The following SPHKAP variants were observed in gnomAD, a reference collection of about 807,000 sequenced individuals.
The protein encoded by SPHKAP is A-kinase anchor protein SPHKAP.
A neutral mutation model predicts 137.5 loss-of-function variants in SPHKAP; 67 were observed. The observed-to-expected ratio is 0.49, with a 90% CI of 0.40 to 0.60. The LOEUF (loss-of-function observed/expected upper bound fraction) is 0.60. SPHKAP is among the 20% of genes least tolerant of loss of function. The pLI, the probability that SPHKAP is intolerant of heterozygous loss-of-function variation, is 0.00. For missense variants in SPHKAP, 2,097 were observed against 2,069.3 expected (o/e 1.01, Z -0.26); for synonymous variants, 813 against 785.3 (o/e 1.04, Z -0.59).
Position 228,154,191 on chromosome 2 carries a change from C to T in SPHKAP, c.33-22106G>A, listed in dbSNP as rs1333559968. ...AATTAATAAAACGACAGACAAAATGCAAATCTTCATGTAAGTCCTAAACTG... is the reference window on the plus strand; with the variant it reads ...AATTAATAAAACGACAGACAAAATGTAAATCTTCATGTAAGTCCTAAACTG... On this transcript the variant is annotated intron_variant, in intron 1 of 11. Transcript: ENST00000392056. 3.3e-5 allele frequency among the ~76,000 whole-genome samples: 5 copies of T among 151,570 alleles called. No individual in the cohort carries two copies. The South Asian group carries it at 1.0e-3, about 32-fold the overall frequency.
chr2:228,136,933 T>C (rs1361140933), intron 1 of SPHKAP, among the ~76,000 whole-genome samples: 1 of 152,152 alleles, frequency 6.6e-6, no homozygotes, highest in African/African-American at 2.4e-5. Flanking sequence ...ATTCCTACTC[T>C]GTCCTTTGGG....
intron 3 of SPHKAP, among the ~76,000 whole-genome samples, chr2:228,033,893 A>G (rs1251255242): frequency 2.0e-5 from 3 of 152,254 alleles, no homozygotes; most frequent in Admixed American, 2.0e-4. Context: ...TGTAGAGGGA[A>G]ATTTATACCA....
At chr2:228,178,140 G>T (rs1014112592) in intron 1 of SPHKAP, among the ~76,000 whole-genome samples, 2 of 152,138 alleles carry the variant, frequency 1.3e-5, no homozygotes, top group Non-Finnish European at 2.9e-5. Context: ...TGTCCAAATT[G>T]TGTACCAGAA....
chr2:228,143,003 A>G (rs1699652720), intron 1 of SPHKAP, among the ~76,000 whole-genome samples: 1 of 152,118 alleles, frequency 6.6e-6, no homozygotes, highest in Admixed American at 6.5e-5. Flanking sequence ...TCTATTTTAG[A>G]TGATAGACAC....
chr2:228,181,466 C>G lies in SPHKAP; in HGVS notation c.32+101G>C, dbSNP rs1345318197. 2.6e-6 allele frequency: 4 copies of G among 1,527,452 alleles called. No individual in the cohort carries two copies. Among genetic ancestry groups the G allele is most frequent in the Non-Finnish European group, 3.6e-6 (4 of 1,101,580 alleles). 94.6% of individuals were successfully genotyped at this position (1,527,452 alleles called of 1,614,324 possible). On this transcript the variant is annotated intron_variant, in intron 1 of 11. Transcript: ENST00000392056. This position sits in a 1 kb window ranked among gnomAD's most constrained non-coding sequence, Gnocchi z 4.3. ...ACCCCTGTCTCCTCGCTGGGAGCCC[C>G]GTGCAAACCGAAGCGCTCTGGGGCA...
chr2:228,057,557 A>C (rs1489167902), intron 3 of SPHKAP, among the ~76,000 whole-genome samples: 1 of 152,178 alleles, frequency 6.6e-6, no homozygotes, highest in Non-Finnish European at 1.5e-5. Flanking sequence ...AAGTTTGAGC[A>C]CAGGTTTGAG....
chr2:228,100,017 T>G (rs1698140261), intron 3 of SPHKAP, among the ~76,000 whole-genome samples: 1 of 151,898 alleles, frequency 6.6e-6, no homozygotes, highest in Admixed American at 6.6e-5. Context: ...GCCTGGCTAA[T>G]TTTTTTGTAT....
intron 3 of SPHKAP, among the ~76,000 whole-genome samples, chr2:228,030,438 T>C (rs6436749): frequency 0.42 from 56,662 of 136,286 alleles, 11,318 homozygotes; most frequent in Middle Eastern, 0.57. Context: ...CGCTTGAAGC[T>C]GGGAGGCAGA....
At chr2:228,020,916 T>C (rs1397472159) in intron 6 of SPHKAP, among the ~76,000 whole-genome samples, 2 of 152,030 alleles carry the variant, frequency 1.3e-5, no homozygotes, top group Non-Finnish European at 2.9e-5. Flanking sequence ...GCTGCCACCA[T>C]TTTTCAGGGG....
intron 3 of SPHKAP, among the ~76,000 whole-genome samples, chr2:228,072,454 G>A (rs1697033977): frequency 6.6e-6 from 1 of 152,044 alleles, no homozygotes; most frequent in Admixed American, 6.6e-5. Flanking sequence ...ACTTTTGCAT[G>A]ATGTGACACT....
At position 228,108,768 on chromosome 2, in the gene SPHKAP, C is replaced by G; in HGVS notation, c.246+64G>C. 3.5e-6 allele frequency: 4 copies of G among 1,137,696 alleles called. No homozygotes were observed. The South Asian group carries it at 5.4e-5, about 15-fold the overall frequency. 70.5% of individuals were successfully genotyped at this position (1,137,696 alleles called of 1,614,324 possible). A position where few individuals can be genotyped will look rare whatever the true frequency, so the allele number is the denominator to read the frequency against. ...GAATTATGAAACTTTTGGTCCTAAA[C>G]ATGGGTACATGTGCCCGCTTCCCTG... On this transcript the variant is annotated intron_variant, in intron 3 of 11. Coordinates refer to ENST00000392056, the MANE Select transcript of SPHKAP (RefSeq NM_001142644.2).
At chr2:228,001,464 C>A (rs906325506) in intron 7 of SPHKAP, among the ~76,000 whole-genome samples, 3 of 134,102 alleles carry the variant, frequency 2.2e-5, no homozygotes, top group East Asian at 2.1e-4. Context: ...CGAATATATA[C>A]GTATATATAA....
chr2:228,069,545 C>T (rs986583580), intron 3 of SPHKAP, among the ~76,000 whole-genome samples: 5 of 150,040 alleles, frequency 3.3e-5, no homozygotes, highest in Admixed American at 6.7e-5. Flanking sequence ...TTCAGCCTCT[C>T]AAAGTACTGG....
intron 2 of SPHKAP, among the ~76,000 whole-genome samples, chr2:228,124,892 T>C (rs1699024663): frequency 6.6e-6 from 1 of 152,174 alleles, no homozygotes; most frequent in Admixed American, 6.5e-5. Flanking sequence ...AAATGAAACA[T>C]CCGGGGACAT....
chr2:228,176,584 T>C (rs541211960), intron 1 of SPHKAP, among the ~76,000 whole-genome samples: 31 of 152,282 alleles, frequency 2.0e-4, no homozygotes, highest in Non-Finnish European at 3.8e-4. Context: ...TCTCCAAATA[T>C]CAAATACAGG....
chr2:228,072,258 C>G (rs956736016), intron 3 of SPHKAP, among the ~76,000 whole-genome samples: 2 of 152,208 alleles, frequency 1.3e-5, no homozygotes, highest in Non-Finnish European at 2.9e-5. Context: ...GATCATGAAA[C>G]TTCTCAGTCT....
chr2:228,131,755 T>C, intron 2 of SPHKAP: 1 of 982,568 alleles, frequency 1.0e-6, no homozygotes, highest in Non-Finnish European at 1.2e-6. Flanking sequence ...TGGGTTGAGA[T>C]AGTATGGCAG....
At position 228,132,632 on chromosome 2, in the gene SPHKAP, T is replaced by A. The variant is rs917057682; in HGVS notation, c.33-547A>T. ...CTATCTCCAAAATTATAGACTTATA[T>A]CCCTCCCCCTGTCTCTGTCAAATCT... On this transcript the variant is annotated intron_variant, in intron 1 of 11. Coordinates refer to ENST00000392056, the MANE Select transcript of SPHKAP (RefSeq NM_001142644.2). 5.8e-5 allele frequency: 14 copies of A among 241,846 alleles called. 1 individual carries two copies. The highest frequency in any genetic ancestry group is 4.6e-4 in the South Asian group (3 of 6,498). 15.0% of individuals were successfully genotyped at this position (241,846 alleles called of 1,614,324 possible). A position where few individuals can be genotyped will look rare whatever the true frequency, so the allele number is the denominator to read the frequency against.
chr2:228,144,815 C>A (rs2106391271), intron 1 of SPHKAP, among the ~76,000 whole-genome samples: 1 of 152,068 alleles, frequency 6.6e-6, no homozygotes, highest in African/African-American at 2.4e-5. Flanking sequence ...GTCATGGGTC[C>A]CACCAAAGAT....
Sources: allele counts gnomAD v4.1 joint callset (sites outside exome capture counted in the v4.1 genomes callset), GRCh38; gene constraint gnomAD v4.1.1; non-coding constraint Gnocchi (gnomAD v3.1); transcripts MANE v1.5; gene names NCBI Gene and HGNC (gene_info 2026-07-23, HGNC 2026-07-21).